Variants in SLC12A7 observed in about 807,000 individuals in gnomAD.
SLC12A7 encodes solute carrier family 12 member 7.
Under a neutral mutation model 120.6 loss-of-function variants are expected in SLC12A7, and 100 were observed. The observed-to-expected ratio is 0.83, with a 90% CI of 0.71 to 0.98. The LOEUF is 0.98. Ranked by LOEUF, SLC12A7 falls within the 50% of genes least tolerant of loss-of-function variation. The pLI, the probability that SLC12A7 is intolerant of heterozygous loss-of-function variation, is 0.00. For missense variants in SLC12A7, 1,373 were observed against 1,548.1 expected (o/e 0.89, Z 1.90); for synonymous variants, 760 against 678.0 (o/e 1.12, Z -1.88).
intron 10 of SLC12A7, among the ~76,000 whole-genome samples, chr5:1,079,018 GA>G (rs1301306648): frequency 3.3e-5 from 5 of 152,186 alleles, no homozygotes; most frequent in African/African-American, 9.7e-5. Flanking sequence ...CCTGGTGCTT[GA>G]CCGCCAGGGA....
upstream of SLC12A7, among the ~76,000 whole-genome samples, chr5:1,115,145 G>A (rs925191647): frequency 8.0e-4 from 122 of 152,218 alleles, no homozygotes; most frequent in Non-Finnish European, 1.0e-4. Context: ...ATGCAATCTC[G>A]CATCCTTATG....
At chr5:1,124,437 G>C in the SLC12A7 span, among the ~76,000 whole-genome samples, 3,220 of 152,340 alleles carry the variant, frequency 0.021, 56 homozygotes, top group Middle Eastern at 0.11. Context: ...AGAAACAGCT[G>C]CAGCCTCGAC....
the SLC12A7 span, among the ~76,000 whole-genome samples, chr5:1,126,621 G>C: frequency 6.6e-6 from 1 of 152,106 alleles, no homozygotes; most frequent in Non-Finnish European, 1.5e-5. Flanking sequence ...TATCTTTCCT[G>C]ATCCTTCCCC....
In SLC12A7 at chr5:1,065,329, T is replaced by G. The variant is rs1270929178; in HGVS notation, c.2391A>C (p.Ala797=). Residue 797 remains alanine, a synonymous_variant, in exon 18 of 24, where the codon GCA becomes GCC. Coordinates refer to ENST00000264930, the MANE Select transcript of SLC12A7 (RefSeq NM_006598.3). ...AGGGGTTGTCCTCCTGCTTCCAGGA[T>G]GCGGGCCAGGCCATGAGCACCGTGT... The part of the protein sequence containing the change: ...KHNTVLMAWP[A]SWKQEDNPFS... 1 of 1,599,662 alleles carries G rather than the reference T, an allele frequency of 6.3e-7. No individual in the cohort carries two copies. The highest frequency in any genetic ancestry group is 1.1e-5 in the South Asian group (1 of 89,724).
the SLC12A7 span, among the ~76,000 whole-genome samples, chr5:1,117,969 G>A: frequency 1.3e-5 from 2 of 152,158 alleles, no homozygotes; most frequent in African/African-American, 2.4e-5. The surrounding 1 kb of genome is among the most constrained non-coding windows in gnomAD (Gnocchi z 4.5). Context: ...CCAGCTACTC[G>A]GGAGGCTGAG....
At chr5:1,076,351 C>T in intron 13 of SLC12A7, 115 bp from the exon 14 acceptor site, 3 of 789,916 alleles carry the variant, frequency 3.8e-6, no homozygotes, top group South Asian at 3.5e-5. Flanking sequence ...CTTGTCTCCC[C>T]ATGTCTGTCT....
At chr5:1,077,058 G>GCA (rs113559394) in intron 12 of SLC12A7, among the ~76,000 whole-genome samples, 1 of 147,044 alleles carries the variant, frequency 6.8e-6, no homozygotes, top group African/African-American at 2.5e-5. Flanking sequence ...GCCCCAGCCT[G>GCA]CCCCCCCGCC....
intron 17 of SLC12A7, among the ~76,000 whole-genome samples, chr5:1,067,858 A>G (rs560504116): frequency 1.0e-3 from 154 of 148,980 alleles, no homozygotes; most frequent in Non-Finnish European, 1.6e-3. Context: ...ACAAGTCAGC[A>G]CCGTGTCGGG....
At position 1,052,403 on chromosome 5, in the gene SLC12A7, A is replaced by G; in HGVS notation, c.3209T>C (p.Leu1070Pro). 6.2e-7 allele frequency: 1 copy of G among 1,612,942 alleles called. No homozygotes were observed. The highest frequency in any genetic ancestry group is 8.5e-7 in the Non-Finnish European group (1 of 1,179,996). The change falls in exon 24 of 24, where the codon CTG (leucine) becomes CCG (proline). Residue 1070 changes from leucine (L) to proline (P), a missense_variant. Coordinates refer to ENST00000264930, the MANE Select transcript of SLC12A7 (RefSeq NM_006598.3). The stretch of plus-strand genomic sequence containing the variant: ...CACCTCCCGGCCGCCACCCCTGACC[A>G]GGAGGACTCTGTTCAGCCCCTCGGT... ...VLTEGLNRVLLVRGGGREVIT... is the reference protein window; with the variant it reads ...VLTEGLNRVLPVRGGGREVIT...
chr5:1,062,219 G>A (rs956381803), intron 20 of SLC12A7, among the ~76,000 whole-genome samples: 15 of 152,198 alleles, frequency 9.9e-5, no homozygotes, highest in Admixed American at 2.0e-4. Flanking sequence ...TTTCCTCTGG[G>A]CCCCAGTGGC....
chr5:1,074,775 C>A (rs1738134552), intron 15 of SLC12A7, 104 bp from the exon 16 acceptor site: 4 of 1,068,362 alleles, frequency 3.7e-6, no homozygotes, highest in South Asian at 2.9e-5. Context: ...GCAAACAGGA[C>A]CCCCAGGAAA....
chr5:1,101,092 G>A (rs948830100), intron 1 of SLC12A7, among the ~76,000 whole-genome samples: 4 of 152,042 alleles, frequency 2.6e-5, no homozygotes, highest in Admixed American at 6.5e-5. Context: ...GCCTCGGCCC[G>A]CCTCGTACCT....
At chr5:1,064,834 CGGCGA>C (rs1736785716) in intron 18 of SLC12A7, among the ~76,000 whole-genome samples, 1 of 121,680 alleles carries the variant, frequency 8.2e-6, no homozygotes, top group Non-Finnish European at 1.7e-5. Flanking sequence ...GGCGAGGGGA[CGGCGA>C]AGCGACGGCG....
At chr5:1,079,538 C>T (rs757884487) in intron 9 of SLC12A7, 42 bp from the exon 10 acceptor site, 2 of 1,522,354 alleles carry the variant, frequency 1.3e-6, no homozygotes, top group South Asian at 2.2e-5. Context: ...TCTGAGGAGT[C>T]AGTGCCATGT....
chr5:1,131,917 T>C, the SLC12A7 span, among the ~76,000 whole-genome samples: 27,435 of 152,210 alleles, frequency 0.18, 2,724 homozygotes, highest in Middle Eastern at 0.23. Context: ...CCCCTGGTTC[T>C]GTCAGGGGCG....
intron 1 of SLC12A7, among the ~76,000 whole-genome samples, chr5:1,095,347 C>A (rs1451225307): frequency 6.6e-6 from 1 of 152,228 alleles, no homozygotes; most frequent in African/African-American, 2.4e-5. Context: ...GCCCGGGACC[C>A]CTGAGCAGCC....
At chr5:1,099,857 A>C (rs543401493) in intron 1 of SLC12A7, among the ~76,000 whole-genome samples, 5 of 152,056 alleles carry the variant, frequency 3.3e-5, no homozygotes, top group Admixed American at 3.3e-4. Flanking sequence ...CACAACCACC[A>C]CGGTCCCCTC....
chr5:1,145,804 T>C, the SLC12A7 span, among the ~76,000 whole-genome samples: 45 of 152,076 alleles, frequency 3.0e-4, no homozygotes, highest in Non-Finnish European at 5.1e-4. This position sits in a 1 kb window ranked among gnomAD's most constrained non-coding sequence, Gnocchi z 4.4. Context: ...GGGTTTAGTT[T>C]ATCTCTAGGC....
chr5:1,090,758 C>G (rs1206952689), intron 3 of SLC12A7, among the ~76,000 whole-genome samples: 1 of 152,216 alleles, frequency 6.6e-6, no homozygotes, highest in Admixed American at 6.5e-5. Context: ...AGCTGGTTCT[C>G]GGCCAAAGGC....
Sources: allele counts gnomAD v4.1 joint callset (sites outside exome capture counted in the v4.1 genomes callset), GRCh38; gene constraint gnomAD v4.1.1; non-coding constraint Gnocchi (gnomAD v3.1); transcripts MANE v1.5; gene names NCBI Gene and HGNC (gene_info 2026-07-23, HGNC 2026-07-21).